GMEB1: variants seen among roughly 807,000 people sequenced by gnomAD.
GMEB1 encodes glucocorticoid modulatory element binding protein 1, also known as glucocorticoid modulatory element-binding protein 1.
Under a neutral mutation model 52.4 loss-of-function variants are expected in GMEB1, and 6 were observed. The observed-to-expected ratio is 0.11, with a 90% CI of 0.06 to 0.23. GMEB1 has a LOEUF of 0.23. Ranked by LOEUF, GMEB1 falls within the 10% of genes least tolerant of loss-of-function variation. The pLI is 1.00. For synonymous variants in GMEB1, 255 were observed against 244.9 expected (o/e 1.04, Z -0.38); for missense variants, 486 against 685.6 (o/e 0.71, Z 3.25).
intron 2 of GMEB1, 103 bp downstream of exon 2, chr1:28,683,843 C>A (rs903654516): frequency 2.7e-6 from 3 of 1,094,356 alleles, no homozygotes; most frequent in African/African-American, 1.6e-5. Flanking sequence ...CATTTAACAT[C>A]AATCAGAGCT....
chr1:28,694,294 G>A (rs1033761954), intron 5 of GMEB1, among the ~76,000 whole-genome samples: 7 of 150,178 alleles, frequency 4.7e-5, no homozygotes, highest in African/African-American at 1.7e-4. Flanking sequence ...GGGTTCAAGT[G>A]ATTCTCCTGT....
intron 8 of GMEB1, among the ~76,000 whole-genome samples, chr1:28,708,544 C>T (rs1228678619): frequency 1.3e-5 from 2 of 152,074 alleles, no homozygotes; most frequent in East Asian, 3.9e-4. Flanking sequence ...TCACTGCAAC[C>T]TCTGCTTCAC....
chr1:28,678,133 T>A (rs1669236551), intron 1 of GMEB1, among the ~76,000 whole-genome samples: 1 of 148,496 alleles, frequency 6.7e-6, no homozygotes, highest in Non-Finnish European at 1.5e-5. Flanking sequence ...GCAGTGAGCC[T>A]AGATCACACC....
Position 28,717,191 on chromosome 1 carries a change from T to TG in GMEB1, c.*2418_*2419insG. 6.6e-6 allele frequency: 1 copy of TG among 151,490 alleles called. No individual in the cohort carries two copies. Among genetic ancestry groups the TG allele is most frequent in the Middle Eastern group, 3.4e-3 (1 of 296 alleles). 9.4% of individuals were successfully genotyped at this position (151,490 alleles called of 1,614,324 possible). A position where few individuals can be genotyped will look rare whatever the true frequency, so the allele number is the denominator to read the frequency against. On this transcript the variant is annotated 3_prime_UTR_variant, in exon 10 of 10. Transcript: ENST00000373816. ...GTAACATGGTAAGGTTGCTGTTTTT[T>TG]TTTTTTTTTTCTTTTTGAGATGGAG...
At chr1:28,687,360 AC>A (rs1557504037) in intron 2 of GMEB1, among the ~76,000 whole-genome samples, 8 of 51,048 alleles carry the variant, frequency 1.6e-4, no homozygotes, top group Non-Finnish European at 3.4e-4. Context: ...ACACACACAC[AC>A]ACACACACAC....
At chr1:28,679,464 C>T (rs1669299648) in intron 1 of GMEB1, among the ~76,000 whole-genome samples, 1 of 152,190 alleles carries the variant, frequency 6.6e-6, no homozygotes, top group Non-Finnish European at 1.5e-5. Context: ...AGGTGTGAGC[C>T]ACTGTGCCTG....
upstream of GMEB1, among the ~76,000 whole-genome samples, chr1:28,668,299 G>C (rs1668695253): frequency 1.3e-5 from 2 of 149,998 alleles, no homozygotes; most frequent in East Asian, 2.1e-4. Flanking sequence ...TTGGCAAACA[G>C]GCACGGGTCA....
chr1:28,714,826 G>GTTTATT lies in GMEB1; in HGVS notation c.*59_*64dup, dbSNP rs1671218360. On this transcript the variant is annotated 3_prime_UTR_variant, in exon 10 of 10. Transcript: ENST00000373816. ...TTTTGATTTGGAATTTTAATTATTT[G>GTTTATT]TTTATTTTTATCATTGTCCCACTCA... The GTTTATT allele has an allele frequency of 8.0e-7, 1 of 1,244,920 alleles. No homozygotes were observed. The highest frequency in any genetic ancestry group is 2.1e-5 in the Admixed American group (1 of 47,456). The allele number at this position is 1,244,920 out of a possible 1,614,324, so 77.1% of individuals were successfully genotyped here.
intron 1 of GMEB1, among the ~76,000 whole-genome samples, chr1:28,673,221 C>G (rs1668983927): frequency 6.7e-6 from 1 of 150,048 alleles, no homozygotes; most frequent in African/African-American, 2.5e-5. Flanking sequence ...ATTACTAGTT[C>G]CAATGTCCTT....
intron 1 of GMEB1, among the ~76,000 whole-genome samples, chr1:28,679,802 C>CTT (rs762915216): frequency 3.6e-5 from 5 of 139,718 alleles, no homozygotes; most frequent in East Asian, 2.1e-4. Flanking sequence ...ATGGCTCACA[C>CTT]TTTTTTTTTT....
At chr1:28,681,683 G>A (rs1669393752) in intron 1 of GMEB1, among the ~76,000 whole-genome samples, 1 of 152,030 alleles carries the variant, frequency 6.6e-6, no homozygotes, top group Non-Finnish European at 1.5e-5. Flanking sequence ...GAGGTGAGAT[G>A]TGGATTAGAT....
intron 8 of GMEB1, among the ~76,000 whole-genome samples, chr1:28,706,056 A>G (rs533183000): frequency 7.9e-5 from 12 of 152,052 alleles, no homozygotes; most frequent in Admixed American, 7.2e-4. Flanking sequence ...TGAGAGGCTG[A>G]GGCAGGAGAA....
At chr1:28,696,843 T>G in intron 5 of GMEB1, 84 bp from the exon 6 acceptor site, 1 of 1,031,920 alleles carries the variant, frequency 9.7e-7, no homozygotes, top group Non-Finnish European at 1.4e-6. Context: ...GGCTCAGCAG[T>G]GTTGTCCCTA....
chr1:28,701,852 G>A (rs1670532427), intron 6 of GMEB1, among the ~76,000 whole-genome samples: 1 of 152,078 alleles, frequency 6.6e-6, no homozygotes, highest in South Asian at 2.1e-4. Context: ...GAGCTACCAC[G>A]CCCAGTCAAA....
At chr1:28,704,085 G>T (rs1670637519) in intron 7 of GMEB1, 107 bp from the exon 8 acceptor site, 1 of 1,066,228 alleles carries the variant, frequency 9.4e-7, no homozygotes, top group Non-Finnish European at 1.3e-6. Context: ...GGCCCAATAA[G>T]AAATCATTTT....
chr1:28,670,913 A>C (rs1031330139), intron 1 of GMEB1, among the ~76,000 whole-genome samples: 1 of 152,090 alleles, frequency 6.6e-6, no homozygotes, highest in Non-Finnish European at 1.5e-5. Flanking sequence ...GCTTCTACTC[A>C]GCTTCATTGG....
At chr1:28,693,539 C>A (rs1481606508) in intron 5 of GMEB1, among the ~76,000 whole-genome samples, 3 of 147,264 alleles carry the variant, frequency 2.0e-5, no homozygotes, top group Non-Finnish European at 4.5e-5. Flanking sequence ...GTTTTTGAGA[C>A]AGAGTCTTGC....
intron 1 of GMEB1, among the ~76,000 whole-genome samples, chr1:28,673,876 C>T (rs183823979): frequency 1.3e-5 from 2 of 151,712 alleles, no homozygotes; most frequent in Admixed American, 6.6e-5. Flanking sequence ...TTAGGCCAGG[C>T]GTGGTGTCTC....
chr1:28,711,626 T>C (rs1464160463), intron 9 of GMEB1, among the ~76,000 whole-genome samples: 3 of 152,114 alleles, frequency 2.0e-5, no homozygotes, highest in African/African-American at 4.8e-5. Context: ...CCAGCTGTTT[T>C]GTATTTTTGG....
Sources: allele counts gnomAD v4.1 joint callset (sites outside exome capture counted in the v4.1 genomes callset), GRCh38; gene constraint gnomAD v4.1.1; transcripts MANE v1.5; gene names NCBI Gene and HGNC (gene_info 2026-07-23, HGNC 2026-07-21).